Variants in SLTM observed in about 807,000 individuals in gnomAD.
SLTM encodes the protein SAFB-like transcription modulator.
SLTM carries 43 observed loss-of-function variants against 134.6 expected under a neutral mutation model. That is an observed-to-expected ratio of 0.32 (90% CI 0.25 to 0.41). SLTM has a LOEUF of 0.41. Among genes scored for constraint, SLTM ranks in the 10% least tolerant of loss-of-function variants. SLTM has a pLI of 1.00. For missense variants in SLTM, 1,055 were observed against 1,288.8 expected, an observed-to-expected ratio of 0.82 and a Z score of 2.78; for synonymous variants, 424 against 432.3, an observed-to-expected ratio of 0.98 and a Z score of 0.24.
chr15:58,914,619 G>C (rs1221627039), intron 3 of SLTM, among the ~76,000 whole-genome samples: 1 of 152,260 alleles, frequency 6.6e-6, no homozygotes, highest in South Asian at 2.1e-4. Context: ...GCTGTATTAT[G>C]GCAGAAGAAT....
At chr15:58,932,518 T>A (rs1174930810) in intron 1 of SLTM, 75 bp from the exon 2 acceptor site, 10 of 1,135,280 alleles carry the variant, frequency 8.8e-6, no homozygotes, top group Admixed American at 1.9e-5. Flanking sequence ...TGAAAAAAAA[T>A]TTAGCAAACC....
chr15:58,913,377 T>C, intron 4 of SLTM, 122 bp downstream of exon 4: 1 of 775,300 alleles, frequency 1.3e-6, no homozygotes, highest in Non-Finnish European at 1.9e-6. Flanking sequence ...GACTTATAAG[T>C]AGCTTTAGTA....
Position 58,899,038 on chromosome 15 carries a change from T to C in SLTM, c.1059-186A>G. The C allele has an allele frequency of 3.9e-6, 2 of 518,168 alleles. No homozygotes were observed. Among genetic ancestry groups the C allele is most frequent in the Non-Finnish European group, 6.8e-6 (2 of 294,706 alleles). 32.1% of individuals were successfully genotyped at this position (518,168 alleles called of 1,614,324 possible). ...ATTCTTGCACTGATTTTCCCCAAGA[T>C]GCCTGAAGATCTAGATTTTCTGACA... is the stretch of plus-strand genomic sequence containing the variant. On this transcript the variant is annotated intron_variant, in intron 7 of 20. Transcript: ENST00000380516. This position sits in a 1 kb window ranked among gnomAD's most constrained non-coding sequence, Gnocchi z 5.0.
Position 58,896,558 on chromosome 15 carries a change from C to A in SLTM, c.1227+557G>T, listed in dbSNP as rs573278972. On this transcript the variant is annotated intron_variant, in intron 9 of 20. Transcript: ENST00000380516. ...CCTGGGTGACACAGTGAGACTGTGTCTCAAAAAGAAAAAAAAAAGTTTATA... is the reference window on the plus strand; with the variant it reads ...CCTGGGTGACACAGTGAGACTGTGTATCAAAAAGAAAAAAAAAAGTTTATA... Among the ~76,000 whole-genome samples, 19 of 150,730 alleles carry A rather than the reference C, an allele frequency of 1.3e-4. No individual in the cohort carries two copies. The South Asian group carries it at 3.8e-3, about 30-fold the overall frequency.
chr15:58,901,124 C>T, intron 6 of SLTM, 136 bp downstream of exon 6: 1 of 723,846 alleles, frequency 1.4e-6, no homozygotes, highest in Non-Finnish European at 2.3e-6. Context: ...AATCAAGATG[C>T]TAACTTAATT....
intron 2 of SLTM, among the ~76,000 whole-genome samples, chr15:58,922,537 A>C: frequency 1.3e-3 from 1 of 742 alleles, no homozygotes; most frequent in Non-Finnish European, 5.5e-3. Flanking sequence ...CGTATATAAT[A>C]TATTTTATAT....
chr15:58,907,558 C>A (rs1415471804), intron 5 of SLTM, among the ~76,000 whole-genome samples: 1 of 152,138 alleles, frequency 6.6e-6, no homozygotes, highest in Admixed American at 6.6e-5. Context: ...GAGGTCAAGG[C>A]TGCAGTCAGG....
At position 58,931,308 on chromosome 15, in the gene SLTM, G is replaced by A. The variant is rs188776130; in HGVS notation, c.250+1048C>T. The stretch of plus-strand genomic sequence containing the variant: ...TTTCAATTTCCTTTGGCACAAACAG[G>A]GGACTCTCCTAACCTAGGAAGACTT... On this transcript the variant is annotated intron_variant, in intron 2 of 20. Coordinates refer to ENST00000380516, the MANE Select transcript of SLTM (RefSeq NM_024755.4). Among the ~76,000 whole-genome samples, 5 of 152,226 alleles carry A rather than the reference G, an allele frequency of 3.3e-5. No individual in the cohort carries two copies. The East Asian group carries it at 9.6e-4, about 29-fold the overall frequency.
At chr15:58,916,454 G>GT (rs1232763743) in intron 3 of SLTM, 1 of 153,258 alleles carries the variant, frequency 6.5e-6, no homozygotes, top group African/African-American at 2.4e-5. Context: ...GATTACAGGC[G>GT]TAAGCCACGG....
chr15:58,921,225 A>G (rs2037022106), intron 2 of SLTM, among the ~76,000 whole-genome samples: 1 of 152,208 alleles, frequency 6.6e-6, no homozygotes, highest in Non-Finnish European at 1.5e-5. Flanking sequence ...CCTCTGAAAC[A>G]ATTATGCCCC....
intron 15 of SLTM, 130 bp downstream of exon 15, chr15:58,890,151 G>T: frequency 2.0e-6 from 2 of 976,788 alleles, no homozygotes; most frequent in South Asian, 1.6e-5. Flanking sequence ...ATCTTTCAGG[G>T]ACACTTAAAA....
intron 6 of SLTM, 27 bp downstream of exon 6, chr15:58,901,233 A>T (rs772716989): frequency 6.3e-7 from 1 of 1,578,800 alleles, no homozygotes; most frequent in African/African-American, 1.4e-5. Flanking sequence ...AATTTTAGCA[A>T]TTTTTAAGCT....
At chr15:58,888,759 G>A in intron 16 of SLTM, 2 of 409,780 alleles carry the variant, frequency 4.9e-6, no homozygotes, top group Non-Finnish European at 8.5e-6. Context: ...GAATTTAACA[G>A]GAGAGAAAAT....
intron 3 of SLTM, among the ~76,000 whole-genome samples, chr15:58,915,938 T>TA (rs2036609317): frequency 1.3e-5 from 2 of 151,942 alleles, no homozygotes; most frequent in South Asian, 4.2e-4. Context: ...ACTTAAGACC[T>TA]AATAAGCAGT....
intron 9 of SLTM, 93 bp from the exon 10 acceptor site, chr15:58,894,675 T>A: frequency 1.7e-6 from 2 of 1,146,238 alleles, no homozygotes; most frequent in Non-Finnish European, 2.6e-6. Context: ...AACTATATAT[T>A]AATTCAGGGT....
Position 58,881,248 on chromosome 15 carries a change from G to A in SLTM, c.2997-1141C>T, listed in dbSNP as rs567136510. Reference sequence around the variant, plus strand: ...GATAAAAATCTACAGTGAAGGCCGGGTGTGGTGGTTCACACCTATAATACC... The same window carrying A: ...GATAAAAATCTACAGTGAAGGCCGGATGTGGTGGTTCACACCTATAATACC... On this transcript the variant is annotated intron_variant, in intron 20 of 20. Coordinates refer to ENST00000380516, the MANE Select transcript of SLTM (RefSeq NM_024755.4). 5.9e-5 allele frequency among the ~76,000 whole-genome samples: 9 copies of A among 152,276 alleles called. 1 individual carries two copies. Among genetic ancestry groups the A allele is most frequent in the Admixed American group, 5.9e-4 (9 of 15,296 alleles).
chr15:58,911,077 T>C (rs2036237909), intron 5 of SLTM, among the ~76,000 whole-genome samples: 1 of 152,158 alleles, frequency 6.6e-6, no homozygotes, highest in Non-Finnish European at 1.5e-5. Context: ...GAAATCAATG[T>C]ACTTAGGGAC....
chr15:58,893,383 A>G lies in SLTM; in HGVS notation c.1649-19T>C. On this transcript the variant is annotated intron_variant, in intron 12 of 20. Transcript: ENST00000380516. The stretch of plus-strand genomic sequence containing the variant: ...TTGGAACCTAAGGGAAAAAAATTAT[A>G]TAAAACAATGTCTAAAATTTTTCAT... 2 of 1,545,708 alleles carry G rather than the reference A, an allele frequency of 1.3e-6. No individual in the cohort carries two copies. The highest frequency in any genetic ancestry group is 1.8e-6 in the Non-Finnish European group (2 of 1,138,844).
At chr15:58,887,677 T>C (rs1395223079) in intron 17 of SLTM, 137 bp from the exon 18 acceptor site, 2 of 1,428,330 alleles carry the variant, frequency 1.4e-6, no homozygotes, top group Non-Finnish European at 1.8e-6. Context: ...AAAAGCTAGT[T>C]ATTGATTATT....
Sources: gnomAD v4.1 joint callset for allele counts (sites outside exome capture counted in the v4.1 genomes callset) on GRCh38, gnomAD v4.1.1 for gene constraint, Gnocchi (gnomAD v3.1) non-coding constraint, MANE v1.5 for transcripts, NCBI Gene and HGNC (gene_info 2026-07-23, HGNC 2026-07-21) for gene names.